Variants in PUDP observed in about 807,000 individuals in gnomAD.
PUDP encodes pseudouridine 5'-phosphatase, also known as pseudouridine-5'-phosphatase.
PUDP carries 8 observed loss-of-function variants against 9.4 expected under a neutral mutation model. The observed-to-expected ratio is 0.85, with a 90% confidence interval of 0.50 to 1.53. PUDP has a LOEUF of 1.53. Among genes scored for constraint, PUDP ranks in the 40% most tolerant of loss-of-function variants. PUDP has a pLI of 0.00. For synonymous variants in PUDP, 99 were observed against 80.7 expected, an observed-to-expected ratio of 1.23 and a Z score of -1.22; for missense variants, 188 against 189.7, an observed-to-expected ratio of 0.99 and a Z score of 0.05.
chrX:7,076,721 G>A (rs1930916945), intron 3 of PUDP, among the ~76,000 whole-genome samples: 1 of 112,058 alleles, frequency 8.9e-6, no homozygotes, highest in African/African-American at 3.2e-5. Context: ...AGAAATGGAT[G>A]GAAGTCCAAA....
intron 3 of PUDP, among the ~76,000 whole-genome samples, chrX:6,919,334 A>C (rs900514489): frequency 4.5e-5 from 5 of 112,080 alleles, no homozygotes; most frequent in African/African-American, 1.6e-4. Flanking sequence ...GAAAAACATA[A>C]ATAAATTTAC....
chrX:6,842,793 T>G (rs1171454389), intron 3 of PUDP, among the ~76,000 whole-genome samples: 1 of 112,503 alleles, frequency 8.9e-6, no homozygotes, highest in African/African-American at 3.2e-5. Flanking sequence ...GACTTCACTA[T>G]CTGCTGGTTA....
chrX:6,957,093 C>T (rs771082862), intron 3 of PUDP, among the ~76,000 whole-genome samples: 4 of 112,273 alleles, frequency 3.6e-5, no homozygotes, highest in African/African-American at 9.7e-5. Context: ...TATCCTTTTA[C>T]TAGAAGTATC....
intron 3 of PUDP, among the ~76,000 whole-genome samples, chrX:6,807,433 G>T (rs1602628041): frequency 1.8e-5 from 2 of 112,369 alleles, no homozygotes; most frequent in East Asian, 5.6e-4. Flanking sequence ...CGCATTATTT[G>T]TGAGTCCAAA....
chrX:6,961,201 C>T (rs1928703011), intron 3 of PUDP, among the ~76,000 whole-genome samples: 2 of 110,184 alleles, frequency 1.8e-5, no homozygotes, highest in South Asian at 8.0e-4. Context: ...GTAGTTCAAG[C>T]CCAGCCTGGG....
At chrX:6,803,774 G>A (rs1162809380) in intron 3 of PUDP, among the ~76,000 whole-genome samples, 1 of 111,894 alleles carries the variant, frequency 8.9e-6, no homozygotes, top group African/African-American at 3.3e-5. Context: ...ATGGGCCAGG[G>A]TGTGTGAAAC....
At chrX:6,733,697 T>C (rs1924839094) in intron 3 of PUDP, among the ~76,000 whole-genome samples, 1 of 105,411 alleles carries the variant, frequency 9.5e-6, no homozygotes, top group Non-Finnish European at 1.9e-5. Flanking sequence ...TTTAGAAAGG[T>C]GAGAGATTGG....
At chrX:6,966,937 C>T (rs757287065) in intron 3 of PUDP, among the ~76,000 whole-genome samples, 1 of 111,736 alleles carries the variant, frequency 8.9e-6, no homozygotes, top group East Asian at 2.8e-4. Flanking sequence ...TGTGCTGCTC[C>T]CACAGCGTGG....
At chrX:6,726,919 G>C (rs1392092531) in intron 3 of PUDP, among the ~76,000 whole-genome samples, 2 of 111,955 alleles carry the variant, frequency 1.8e-5, no homozygotes, top group African/African-American at 3.2e-5. Flanking sequence ...TAAGGCATGA[G>C]AGGAGAAGTG....
rs1015585056 is a variant in PUDP, at chrX:6,992,427, C to G, written c.205-14084G>C. 7.7e-5 allele frequency among the ~76,000 whole-genome samples: 8 copies of G among 104,213 alleles called. No homozygotes were observed. In the East Asian group the frequency reaches 2.4e-3, roughly 32 times the overall value. The allele number at this position is 104,213 out of a possible 115,157, so 90.5% of individuals were successfully genotyped here. A position where few individuals can be genotyped will look rare whatever the true frequency, so the allele number is the denominator to read the frequency against. On this transcript the variant is annotated intron_variant and NMD_transcript_variant, in intron 1 of 3. Transcript: ENST00000655425. ...AGCTGGGACTACAGGCGCCCGCCAC[C>G]GTGCCCGGCTAATTTTTTGTATTTT...
chrX:7,009,356 C>T lies in PUDP; in HGVS notation c.205-31013G>A, dbSNP rs1292865660. The stretch of plus-strand genomic sequence containing the variant: ...TGAAGTGAAGGGTAGGCAGATACTT[C>T]GGAGGGTAAAAAGTGTTTTTGATTC... On this transcript the variant is annotated intron_variant and NMD_transcript_variant, in intron 1 of 3. Coordinates refer to the PUDP transcript ENST00000655425. Among the ~76,000 whole-genome samples the T allele has an allele frequency of 1.3e-4, 15 of 111,664 alleles. No individual in the cohort carries two copies. The East Asian group carries it at 2.8e-3, about 21-fold the overall frequency.
At chrX:6,903,064 A>G (rs6639695) in intron 3 of PUDP, among the ~76,000 whole-genome samples, 39,285 of 110,512 alleles carry the variant, frequency 0.36, 5,525 homozygotes, top group East Asian at 0.64. Flanking sequence ...CACTGCTCTA[A>G]ATCTATCTTA....
intron 3 of PUDP, among the ~76,000 whole-genome samples, chrX:6,762,740 T>C (rs1467309763): frequency 1.8e-5 from 2 of 112,429 alleles, no homozygotes; most frequent in Non-Finnish European, 3.8e-5. Flanking sequence ...AAAATAATAC[T>C]CCTTGTAAAG....
intron 1 of PUDP, among the ~76,000 whole-genome samples, chrX:7,145,342 C>T (rs894722114): frequency 8.9e-6 from 1 of 111,749 alleles, no homozygotes; most frequent in South Asian, 3.7e-4. Flanking sequence ...AACAAACTGT[C>T]TTCTCTTTTA....
At chrX:6,852,073 G>A (rs1416497432) in intron 3 of PUDP, among the ~76,000 whole-genome samples, 1 of 112,181 alleles carries the variant, frequency 8.9e-6, no homozygotes, top group Non-Finnish European at 1.9e-5. Flanking sequence ...AGGAATTCAT[G>A]CAGAAGAAAG....
intron 3 of PUDP, among the ~76,000 whole-genome samples, chrX:6,777,696 G>C (rs1925488259): frequency 8.9e-6 from 1 of 111,759 alleles, no homozygotes; most frequent in Non-Finnish European, 1.9e-5. Flanking sequence ...TGGGGAAGAG[G>C]CAATAGAGAA....
At chrX:7,088,407 C>G (rs1213044704) in intron 2 of PUDP, among the ~76,000 whole-genome samples, 1 of 111,398 alleles carries the variant, frequency 9.0e-6, no homozygotes, top group Admixed American at 9.6e-5. Flanking sequence ...AGCACTAGGA[C>G]TTTAGAAGAA....
intron 3 of PUDP, among the ~76,000 whole-genome samples, chrX:6,790,769 T>G (rs1343860856): frequency 4.5e-5 from 5 of 112,053 alleles, no homozygotes; most frequent in Non-Finnish European, 3.8e-5. Context: ...TGGGGCACAA[T>G]GATTGACTAA....
chrX:7,129,416 G>A (rs1168474019), intron 1 of PUDP, among the ~76,000 whole-genome samples: 4 of 111,764 alleles, frequency 3.6e-5, no homozygotes, highest in Non-Finnish European at 5.6e-5. Context: ...ATGCCATGTT[G>A]GACCCGTGTT....
Sources: allele counts gnomAD v4.1 joint callset (sites outside exome capture counted in the v4.1 genomes callset), GRCh38; gene constraint gnomAD v4.1.1; transcripts MANE v1.5; gene names NCBI Gene and HGNC (gene_info 2026-07-23, HGNC 2026-07-21).